DCAF10: variants seen among roughly 807,000 people sequenced by gnomAD.
DCAF10 encodes DDB1- and CUL4-associated factor 10.
DCAF10 carries 19 observed loss-of-function variants against 51.9 expected under a neutral mutation model. The ratio of observed to expected loss-of-function variants is 0.37; its 90% CI spans 0.26 to 0.54. The LOEUF (loss-of-function observed/expected upper bound fraction) is 0.54, where lower values mean the gene tolerates loss of function less well. Ranked by LOEUF, DCAF10 falls within the 20% of genes least tolerant of loss-of-function variation. The probability of loss-of-function intolerance (pLI) is 0.87; values close to 1 mark genes in which losing one functional copy is unlikely to be tolerated. For missense variants in DCAF10, 510 were observed against 730.6 expected (o/e 0.70, Z 3.48); for synonymous variants, 291 against 297.1 (o/e 0.98, Z 0.21).
At position 37,829,432 on chromosome 9, in the gene DCAF10, C is replaced by A. The variant is rs1829945655; in HGVS notation, c.653+10031C>A. The stretch of plus-strand genomic sequence containing the variant: ...TCCAGCCTGGGCAACAAGAGCAAGA[C>A]TCCATGTCAAAAAAATTAATAAATA... On this transcript the variant is annotated intron_variant, in intron 2 of 6. Transcript: ENST00000377724. This position sits in a 1 kb window ranked among gnomAD's most constrained non-coding sequence, Gnocchi z 4.2. Among the ~76,000 whole-genome samples, 1 of 151,894 alleles carries A rather than the reference C, an allele frequency of 6.6e-6. No homozygotes were observed. Among genetic ancestry groups the A allele is most frequent in the Non-Finnish European group, 1.5e-5 (1 of 67,994 alleles).
chr9:37,860,052 T>C lies in DCAF10; in HGVS notation c.1170T>C (p.Val390=). ...HMSRASQREG[V]SPRNSLEVVT... ...CCTCATTTTCTTATATCTCAGGAGTTTCACCACGAAATAGTCTTGAAGTCG... is the reference window on the plus strand; with the variant it reads ...CCTCATTTTCTTATATCTCAGGAGTCTCACCACGAAATAGTCTTGAAGTCG... The change falls in exon 6 of 7, where the codon GTT becomes GTC. Residue 390 remains valine (V), a synonymous_variant. Coordinates refer to ENST00000377724, the MANE Select transcript of DCAF10 (RefSeq NM_024345.5). 1 of 1,614,084 alleles carries C rather than the reference T, an allele frequency of 6.2e-7. No homozygotes were observed. Among genetic ancestry groups the C allele is most frequent in the African/African-American group, 1.3e-5 (1 of 75,036 alleles).
intron 2 of DCAF10, among the ~76,000 whole-genome samples, chr9:37,841,698 C>T (rs149450728): frequency 6.6e-6 from 1 of 152,270 alleles, no homozygotes; most frequent in East Asian, 1.9e-4. Context: ...TAATGTGTCC[C>T]TCTCGGCAAT....
rs1189776187 is a variant in DCAF10 at position 37,861,182 on chromosome 9, C to A, written c.1354C>A (p.Pro452Thr). Residue 452 changes from proline (P) to threonine (T), a missense_variant, in exon 7 of 7, where the codon CCT (proline) becomes ACT (threonine). Pro to Thr is a conservative substitution (Grantham distance 38). This residue lies in a region of DCAF10 where 104 missense variants were observed against 206.2 expected (regional missense o/e 0.50). Transcript: ENST00000377724. The surrounding 1 kb of genome is among the most constrained non-coding windows in gnomAD (Gnocchi z 4.9). Reference protein sequence around the residue: ...YEFQEGAPVRPVSPRCSLRLT... With the variant: ...YEFQEGAPVRTVSPRCSLRLT... Reference sequence around the variant, plus strand: ...ATTCCAAGAAGGAGCTCCAGTGCGACCTGTCTCACCTCGCTGTTCTCTACG... The same window carrying A: ...ATTCCAAGAAGGAGCTCCAGTGCGAACTGTCTCACCTCGCTGTTCTCTACG... The A allele has an allele frequency of 6.2e-7, 1 of 1,606,692 alleles. No individual in the cohort carries two copies. Among genetic ancestry groups the A allele is most frequent in the Non-Finnish European group, 8.5e-7 (1 of 1,173,666 alleles).
intron 3 of DCAF10, among the ~76,000 whole-genome samples, chr9:37,845,948 AT>A (rs1266259234): frequency 1.2e-4 from 18 of 152,342 alleles, no homozygotes; most frequent in African/African-American, 4.3e-4. Context: ...AATATTGCAA[AT>A]AAGAGAGAAC....
rs528933485 is a variant in DCAF10, at chr9:37,831,911, G to A, written c.654-10178G>A. ...TGTAGTGACCCGAGATTGTGCCACT[G>A]CACTCCAGCCTGGGCGACAGAGCGA... On this transcript the variant is annotated intron_variant, in intron 2 of 6. Transcript: ENST00000377724. 4.1e-4 allele frequency among the ~76,000 whole-genome samples: 63 copies of A among 152,176 alleles called. 1 individual carries two copies. The South Asian group carries it at 0.012, about 30-fold the overall frequency.
intron 1 of DCAF10, among the ~76,000 whole-genome samples, chr9:37,816,418 G>A (rs915591974): frequency 2.0e-5 from 3 of 152,058 alleles, no homozygotes; most frequent in Admixed American, 6.6e-5. Context: ...GTGAAACCCC[G>A]TTTCTACTAA....
At chr9:37,824,370 T>G (rs1016167311) in intron 2 of DCAF10, among the ~76,000 whole-genome samples, 1 of 151,974 alleles carries the variant, frequency 6.6e-6, no homozygotes, top group Non-Finnish European at 1.5e-5. Flanking sequence ...AAGAGGAAGA[T>G]AAAAATATTA....
intron 1 of DCAF10, among the ~76,000 whole-genome samples, chr9:37,805,650 G>A (rs888402669): frequency 1.3e-5 from 2 of 151,216 alleles, no homozygotes; most frequent in African/African-American, 4.9e-5. Flanking sequence ...AGTACAGAAT[G>A]AGAAAAAAAT....
At chr9:37,802,203 G>A (rs1284779130) in intron 1 of DCAF10, among the ~76,000 whole-genome samples, 1 of 152,140 alleles carries the variant, frequency 6.6e-6, no homozygotes, top group African/African-American at 2.4e-5. Flanking sequence ...TATATTTGTT[G>A]AGCACTTGCT....
intron 2 of DCAF10, among the ~76,000 whole-genome samples, chr9:37,825,525 G>C (rs1273224237): frequency 6.6e-6 from 1 of 152,194 alleles, no homozygotes; most frequent in East Asian, 1.9e-4. Flanking sequence ...TAGATGATGA[G>C]AACACATGGA....
In DCAF10 at chr9:37,866,500, T is replaced by C. The variant is rs757224342; in HGVS notation, c.*4992T>C. 1 of 152,272 alleles carries C rather than the reference T, an allele frequency of 6.6e-6. No homozygotes were observed. Among genetic ancestry groups the C allele is most frequent in the South Asian group, 2.1e-4 (1 of 4,832 alleles). 9.4% of individuals were successfully genotyped at this position (152,272 alleles called of 1,614,324 possible). On this transcript the variant is annotated 3_prime_UTR_variant, in exon 7 of 7. Transcript: ENST00000377724. ...AAAATATCTGCTAAGTAATTTGCTA[T>C]GTCTTCTCCCACACTATCAATATGC...
chr9:37,859,966 C>A, intron 5 of DCAF10, 82 bp from the exon 6 acceptor site: 1 of 1,533,976 alleles, frequency 6.5e-7, no homozygotes, highest in Non-Finnish European at 8.9e-7. Context: ...TGGGAGGTGG[C>A]TGCCAGAAAT....
intron 6 of DCAF10, among the ~76,000 whole-genome samples, 187 bp from the exon 7 acceptor site, chr9:37,860,953 C>T (rs1289814369): frequency 6.6e-6 from 1 of 151,766 alleles, no homozygotes; most frequent in Non-Finnish European, 1.5e-5. Context: ...ATAACCTCAG[C>T]TTATGAAGAT....
At chr9:37,805,748 T>C (rs762897138) in intron 1 of DCAF10, among the ~76,000 whole-genome samples, 3 of 152,116 alleles carry the variant, frequency 2.0e-5, no homozygotes, top group African/African-American at 4.8e-5. Context: ...AATCCAAACA[T>C]TACTAGTTGC....
intron 2 of DCAF10, among the ~76,000 whole-genome samples, chr9:37,828,429 G>A (rs946819274): frequency 2.5e-4 from 38 of 151,448 alleles, no homozygotes; most frequent in Admixed American, 2.3e-3. Context: ...GAGCAAAATA[G>A]CAAGACCCCC....
At position 37,829,765 on chromosome 9, in the gene DCAF10, G is replaced by C. The variant is rs1829955358; in HGVS notation, c.653+10364G>C. On this transcript the variant is annotated intron_variant, in intron 2 of 6. Coordinates refer to ENST00000377724, the MANE Select transcript of DCAF10 (RefSeq NM_024345.5). This position sits in a 1 kb window ranked among gnomAD's most constrained non-coding sequence, Gnocchi z 4.2. ...CTCATACCTGTAATCCCAGCATTTT[G>C]GGAGGCTGAGGTGGGACAATCACTG... is the stretch of plus-strand genomic sequence containing the variant. Among the ~76,000 whole-genome samples the C allele has an allele frequency of 6.6e-6, 1 of 152,118 alleles. No homozygotes were observed. The highest frequency in any genetic ancestry group is 1.5e-5 in the Non-Finnish European group (1 of 68,016).
rs905824488 is a variant in DCAF10, at chr9:37,864,498, C to G, written c.*2990C>G. 3 of 149,098 alleles carry G rather than the reference C, an allele frequency of 2.0e-5. No homozygotes were observed. Among genetic ancestry groups the G allele is most frequent in the Admixed American group, 6.7e-5 (1 of 14,924 alleles). 9.2% of individuals were successfully genotyped at this position (149,098 alleles called of 1,614,324 possible). Reference sequence around the variant, plus strand: ...ACTCAGGAGGCTGAGGCAGGAGACTCGCATGAACCTGGGAGGCAGAGGTTG... The same window carrying G: ...ACTCAGGAGGCTGAGGCAGGAGACTGGCATGAACCTGGGAGGCAGAGGTTG... On this transcript the variant is annotated 3_prime_UTR_variant, in exon 7 of 7. Transcript: ENST00000377724.
At position 37,866,597 on chromosome 9, in the gene DCAF10, G is replaced by A. The variant is rs1441358730; in HGVS notation, c.*5089G>A. 1 of 152,456 alleles carries A rather than the reference G, an allele frequency of 6.6e-6. No homozygotes were observed. Among genetic ancestry groups the A allele is most frequent in the African/African-American group, 2.4e-5 (1 of 41,452 alleles). 9.4% of individuals were successfully genotyped at this position (152,456 alleles called of 1,614,324 possible). On this transcript the variant is annotated 3_prime_UTR_variant, in exon 7 of 7. Transcript: ENST00000377724. ...CTTTGGACATGAGATAACCGTGCCTGTTCAGAGTGTCTACAGTAAGAGCTG... is the reference window on the plus strand; with the variant it reads ...CTTTGGACATGAGATAACCGTGCCTATTCAGAGTGTCTACAGTAAGAGCTG...
chr9:37,842,364 G>A (rs1456281450), intron 3 of DCAF10, 78 bp downstream of exon 3: 3 of 1,361,922 alleles, frequency 2.2e-6, no homozygotes, highest in African/African-American at 2.9e-5. Flanking sequence ...TCAGTGTTCT[G>A]TCCTAGCCTC....
Sources: allele counts gnomAD v4.1 joint callset (sites outside exome capture counted in the v4.1 genomes callset), GRCh38; gene constraint gnomAD v4.1.1; regional missense constraint gnomAD v4.1.1; non-coding constraint Gnocchi (gnomAD v3.1); transcripts MANE v1.5; gene names NCBI Gene and HGNC (gene_info 2026-07-23, HGNC 2026-07-21).